Variants in STAG1 observed in about 807,000 individuals in gnomAD.
The protein encoded by STAG1 is STAG1 cohesin complex component.
In STAG1, 26 loss-of-function variants were observed where a neutral mutation model predicts 170.9. The ratio of observed to expected loss-of-function variants is 0.15; its 90% CI spans 0.11 to 0.21. The LOEUF is 0.21. Ranked by LOEUF, STAG1 falls within the 10% of genes least tolerant of loss-of-function variation. The pLI is 1.00. For missense variants in STAG1, 964 were observed against 1,509.5 expected (o/e 0.64, Z 5.99); for synonymous variants, 514 against 497.7 (o/e 1.03, Z -0.44).
At chr3:136,692,232 T>G (rs1240727271) in intron 1 of STAG1, among the ~76,000 whole-genome samples, 7 of 130,018 alleles carry the variant, frequency 5.4e-5, no homozygotes, top group Non-Finnish European at 1.1e-4. Context: ...GAGAATCGCT[T>G]AAAATCAGGA....
chr3:136,499,976 T>C (rs1014195987), intron 9 of STAG1: 3 of 356,682 alleles, frequency 8.4e-6, no homozygotes, highest in African/African-American at 6.5e-5. Context: ...ATTCCATCAG[T>C]ATAAATCCAA....
chr3:136,422,657 A>T lies in STAG1; in HGVS notation c.1834-44T>A. On this transcript the variant is annotated intron_variant, in intron 18 of 33. Transcript: ENST00000383202. ...AAAAACTGTAATATTTAGGTTAACA[A>T]TAAAAAATAAAAAATTAGCATCTGT... 2 of 1,563,140 alleles carry T rather than the reference A, an allele frequency of 1.3e-6. 1 individual carries two copies. The highest frequency in any genetic ancestry group is 2.4e-5 in the South Asian group (2 of 83,976).
At chr3:136,446,578 A>G (rs935025598) in intron 14 of STAG1, among the ~76,000 whole-genome samples, 1 of 151,786 alleles carries the variant, frequency 6.6e-6, no homozygotes, top group Non-Finnish European at 1.5e-5. Context: ...ACCTGCCACC[A>G]TGCCTGACTA....
intron 3 of STAG1, among the ~76,000 whole-genome samples, chr3:136,606,462 A>G (rs1332585330): frequency 6.6e-6 from 1 of 152,184 alleles, no homozygotes; most frequent in Non-Finnish European, 1.5e-5. Flanking sequence ...TGCCACAATG[A>G]CAGGCATCAG....
At chr3:136,751,236 G>A (rs1402799590) in intron 1 of STAG1, among the ~76,000 whole-genome samples, 4 of 145,646 alleles carry the variant, frequency 2.7e-5, no homozygotes, top group African/African-American at 7.8e-5. Context: ...TTATACTCCC[G>A]GAGCACGATT....
intron 6 of STAG1, among the ~76,000 whole-genome samples, chr3:136,523,259 T>C (rs1326561421): frequency 6.6e-6 from 1 of 152,184 alleles, no homozygotes; most frequent in East Asian, 1.9e-4. Flanking sequence ...ATGATTGCCA[T>C]TCTAACTGGT....
intron 7 of STAG1, 47 bp downstream of exon 7, chr3:136,521,166 T>TA: frequency 6.9e-7 from 1 of 1,452,326 alleles, no homozygotes; most frequent in Non-Finnish European, 9.6e-7. Context: ...GAATAAAACA[T>TA]AGTCAACAAA....
intron 1 of STAG1, among the ~76,000 whole-genome samples, chr3:136,679,367 G>T (rs1942253751): frequency 6.6e-6 from 1 of 151,860 alleles, no homozygotes; most frequent in African/African-American, 2.4e-5. Flanking sequence ...GTTCCTTGAG[G>T]TCAGGAGTTC....
chr3:136,612,635 G>A (rs1202681575), intron 3 of STAG1, among the ~76,000 whole-genome samples: 3 of 152,130 alleles, frequency 2.0e-5, no homozygotes, highest in Admixed American at 6.5e-5. Flanking sequence ...AGCCATGAAC[G>A]TTCCACTGCA....
intron 1 of STAG1, among the ~76,000 whole-genome samples, chr3:136,653,376 T>C (rs1464744478): frequency 6.6e-6 from 1 of 152,174 alleles, no homozygotes; most frequent in Non-Finnish European, 1.5e-5. Context: ...CGTTAAAAGT[T>C]TTGAGCAATA....
At chr3:136,493,059 T>C (rs1159876572) in intron 9 of STAG1, among the ~76,000 whole-genome samples, 1 of 152,128 alleles carries the variant, frequency 6.6e-6, no homozygotes, top group Admixed American at 6.6e-5. Flanking sequence ...TAAGAAACAA[T>C]TAGGCCAGGC....
At chr3:136,638,932 T>C (rs149903857) in intron 1 of STAG1, among the ~76,000 whole-genome samples, 3 of 152,044 alleles carry the variant, frequency 2.0e-5, no homozygotes, top group African/African-American at 7.2e-5. Flanking sequence ...TGCATGTTAT[T>C]GATTGGATTG....
chr3:136,355,471 G>C (rs368106000), intron 28 of STAG1, among the ~76,000 whole-genome samples: 2 of 151,444 alleles, frequency 1.3e-5, no homozygotes, highest in African/African-American at 4.9e-5. Flanking sequence ...GTAATATTTG[G>C]AGACTTCAAT....
In STAG1 at chr3:136,479,319, T is replaced by C. The variant is rs541942915; in HGVS notation, c.903-1907A>G. The stretch of plus-strand genomic sequence containing the variant: ...TTCAATTCCCACCTATGAGTGAGAA[T>C]ATGCGGTGTTTGGTTTTTTGTTCTT... On this transcript the variant is annotated intron_variant, in intron 9 of 33. Transcript: ENST00000383202. Among the ~76,000 whole-genome samples the C allele has an allele frequency of 6.9e-4, 90 of 129,824 alleles. 1 individual carries two copies. The highest frequency in any genetic ancestry group is 3.6e-3 in the Middle Eastern group (1 of 276). 85.2% of individuals were successfully genotyped at this position (129,824 alleles called of 152,430 possible). A position where few individuals can be genotyped will look rare whatever the true frequency, so the allele number is the denominator to read the frequency against.
chr3:136,544,205 G>C (rs1172593048), intron 5 of STAG1, among the ~76,000 whole-genome samples: 1 of 152,154 alleles, frequency 6.6e-6, no homozygotes, highest in Admixed American at 6.5e-5. Context: ...TGTCAGAAAA[G>C]TCAAGAAGGA....
At chr3:136,679,591 C>T (rs1304268497) in intron 1 of STAG1, among the ~76,000 whole-genome samples, 4 of 151,806 alleles carry the variant, frequency 2.6e-5, no homozygotes, top group African/African-American at 9.7e-5. Context: ...TAGCCGGGCG[C>T]GGTGGTGGGC....
chr3:136,412,818 G>A (rs1317542110), intron 21 of STAG1, among the ~76,000 whole-genome samples: 1 of 150,358 alleles, frequency 6.7e-6, no homozygotes, highest in Non-Finnish European at 1.5e-5. Context: ...ATTGGTCCTA[G>A]GCTGAAAAAA....
chr3:136,527,858 CCT>C (rs1935134265), intron 6 of STAG1, among the ~76,000 whole-genome samples: 2 of 152,140 alleles, frequency 1.3e-5, no homozygotes, highest in Non-Finnish European at 2.9e-5. Flanking sequence ...CACTCCAGAC[CCT>C]GTTTTCCTGG....
At chr3:136,472,367 G>A (rs372255988) in intron 12 of STAG1, 46 bp downstream of exon 12, 15 of 1,386,488 alleles carry the variant, frequency 1.1e-5, no homozygotes, top group Admixed American at 1.1e-4. Flanking sequence ...TGGGGAAAAG[G>A]TATTAAAATA....
Sources: gnomAD v4.1 joint callset for allele counts (sites outside exome capture counted in the v4.1 genomes callset) on GRCh38, gnomAD v4.1.1 for gene constraint, MANE v1.5 for transcripts, NCBI Gene and HGNC (gene_info 2026-07-23, HGNC 2026-07-21) for gene names.